Variants in EYS observed in about 807,000 individuals in gnomAD.
EYS encodes EGF-like photoreceptor maintenance factor.
In EYS, 250 loss-of-function variants were observed where a neutral mutation model predicts 282.1. The ratio of observed to expected loss-of-function variants is 0.89; its 90% CI spans 0.80 to 0.98. EYS has a LOEUF of 0.98. Ranked by LOEUF, EYS falls within the 50% of genes least tolerant of loss-of-function variation. The pLI is 0.00. For synonymous variants in EYS, 1,355 were observed against 1,282.9 expected (o/e 1.06, Z -1.20); for missense variants, 4,016 against 3,709.0 (o/e 1.08, Z -2.15).
intron 19 of EYS, among the ~76,000 whole-genome samples, chr6:64,853,001 C>T (rs571516670): frequency 1.3e-5 from 2 of 152,098 alleles, no homozygotes; most frequent in African/African-American, 4.8e-5. Flanking sequence ...ATAAGGCAGA[C>T]CTACAGTGAT....
At position 64,101,925 on chromosome 6, in the gene EYS, T is replaced by G. The variant is rs181670537; in HGVS notation, c.6425-19923A>C. Among the ~76,000 whole-genome samples, 326 of 151,922 alleles carry G rather than the reference T, an allele frequency of 2.1e-3. 3 individuals are homozygous for G. Among genetic ancestry groups the G allele is most frequent in the Non-Finnish European group, 3.4e-3 (229 of 67,962 alleles). On this transcript the variant is annotated intron_variant, in intron 31 of 42. Transcript: ENST00000503581. ...GAGTGTGCAACCTAGATCCTTCATATGTGCAGTTCCCAATTGGGTTTGTGC... is the reference window on the plus strand; with the variant it reads ...GAGTGTGCAACCTAGATCCTTCATAGGTGCAGTTCCCAATTGGGTTTGTGC...
intron 30 of EYS, among the ~76,000 whole-genome samples, chr6:64,284,275 G>A (rs1041394675): frequency 1.3e-5 from 2 of 152,152 alleles, no homozygotes; most frequent in African/African-American, 4.8e-5. Flanking sequence ...TAAAACAAAT[G>A]GGTTACAGGG....
At chr6:64,919,037 T>C (rs975513595) in intron 15 of EYS, among the ~76,000 whole-genome samples, 2 of 152,226 alleles carry the variant, frequency 1.3e-5, no homozygotes, top group African/African-American at 2.4e-5. Context: ...CAGTATTTTA[T>C]AGAATCTTAG....
intron 41 of EYS, among the ~76,000 whole-genome samples, chr6:63,731,544 G>A (rs1768780995): frequency 6.6e-6 from 1 of 151,856 alleles, no homozygotes; most frequent in South Asian, 2.1e-4. Context: ...CAATTTACTT[G>A]TTTTGTCTTA....
intron 31 of EYS, among the ~76,000 whole-genome samples, chr6:64,219,966 G>A (rs1333286075): frequency 2.0e-5 from 3 of 152,130 alleles, no homozygotes; most frequent in Non-Finnish European, 4.4e-5. Context: ...TCACTCATGG[G>A]TGGGAATTGA....
chr6:65,526,699 A>G (rs750963265), intron 2 of EYS, among the ~76,000 whole-genome samples: 29 of 152,278 alleles, frequency 1.9e-4, no homozygotes, highest in Non-Finnish European at 4.0e-4. Flanking sequence ...CCAGCTACTC[A>G]GAAGGCTGAG....
At chr6:64,399,036 A>G (rs1293995468) in intron 28 of EYS, among the ~76,000 whole-genome samples, 1 of 151,876 alleles carries the variant, frequency 6.6e-6, no homozygotes, top group Non-Finnish European at 1.5e-5. Context: ...TGCTTTAATA[A>G]TTCTCTAAAA....
chr6:63,869,996 C>G (rs1772762159), intron 35 of EYS, among the ~76,000 whole-genome samples: 1 of 152,114 alleles, frequency 6.6e-6, no homozygotes, highest in African/African-American at 2.4e-5. Flanking sequence ...TCACTCTGTG[C>G]TCACTGTAAA....
chr6:64,725,543 G>T (rs1476113667), intron 22 of EYS, among the ~76,000 whole-genome samples: 2 of 152,016 alleles, frequency 1.3e-5, no homozygotes, highest in Admixed American at 6.6e-5. Flanking sequence ...ATATTCATAT[G>T]CCCTAGCCCT....
At position 64,886,701 on chromosome 6, in the gene EYS, A is replaced by G. The variant is rs1413232600; in HGVS notation, c.2988T>C (p.Tyr996=). The G allele has an allele frequency of 2.6e-6, 4 of 1,544,528 alleles. No individual in the cohort carries two copies. The highest frequency in any genetic ancestry group is 2.4e-5 in the South Asian group (2 of 83,044). ...ATGGGACAGATATGGATTTACCTGT[A>G]TAACCAGGGGCACAGAGGCAGTTGT... ...DGYNCLCAPG[Y]TGINCEINLD... The change falls in exon 19 of 43, where the codon TAT becomes TAC. Residue 996 remains tyrosine (Y), a synonymous_variant. Transcript: ENST00000503581.
intron 12 of EYS, among the ~76,000 whole-genome samples, chr6:65,216,898 C>T (rs1422541078): frequency 6.6e-6 from 1 of 151,682 alleles, no homozygotes; most frequent in Non-Finnish European, 1.5e-5. Flanking sequence ...TATCTAATTC[C>T]ATTAACATGC....
intron 12 of EYS, among the ~76,000 whole-genome samples, chr6:65,073,984 A>G (rs1015523764): frequency 6.6e-6 from 1 of 152,028 alleles, no homozygotes; most frequent in Non-Finnish European, 1.5e-5. Context: ...GTACGTTGCC[A>G]CTGGGCACAT....
chr6:64,957,103 C>A (rs1769735350), intron 14 of EYS, among the ~76,000 whole-genome samples: 1 of 152,108 alleles, frequency 6.6e-6, no homozygotes, highest in Non-Finnish European at 1.5e-5. Flanking sequence ...ATCAGTATAT[C>A]AAAGAGATAT....
chr6:64,448,629 ACACAGCCGGG>A (rs1775206549), intron 26 of EYS, among the ~76,000 whole-genome samples: 1 of 152,170 alleles, frequency 6.6e-6, no homozygotes, highest in African/African-American at 2.4e-5. Flanking sequence ...CTGACATCTC[ACACAGCCGGG>A]TACTCCTCTG....
chr6:64,598,862 A>T (rs1766670890), intron 24 of EYS, among the ~76,000 whole-genome samples: 1 of 152,254 alleles, frequency 6.6e-6, no homozygotes, highest in African/African-American at 2.4e-5. Context: ...AAGGAAAAAC[A>T]GCAAGGGCTG....
At chr6:65,614,273 T>G (rs559932259) in intron 2 of EYS, among the ~76,000 whole-genome samples, 2 of 152,120 alleles carry the variant, frequency 1.3e-5, no homozygotes, top group Admixed American at 1.3e-4. Flanking sequence ...AAATTACTCT[T>G]GCTACACTGT....
intron 1 of EYS, among the ~76,000 whole-genome samples, chr6:65,679,592 G>A (rs1298039799): frequency 6.6e-6 from 1 of 151,836 alleles, no homozygotes; most frequent in African/African-American, 2.4e-5. Context: ...AGTCATACAA[G>A]ATGAAAATGT....
chr6:63,789,014 T>C, intron 38 of EYS, 44 bp downstream of exon 38: 1 of 1,534,710 alleles, frequency 6.5e-7, no homozygotes, highest in Non-Finnish European at 8.8e-7. Flanking sequence ...GACAATATAC[T>C]AGTGCTCTCA....
At position 64,639,765 on chromosome 6, in the gene EYS, A is replaced by C. The variant is rs1277682670; in HGVS notation, c.3444-13520T>G. Among the ~76,000 whole-genome samples, 2 of 91,526 alleles carry C rather than the reference A, an allele frequency of 2.2e-5. 1 individual carries two copies. The highest frequency in any genetic ancestry group is 2.3e-4 in the Admixed American group (2 of 8,600). 60.0% of individuals were successfully genotyped at this position (91,526 alleles called of 152,430 possible). On this transcript the variant is annotated intron_variant, in intron 22 of 42. Coordinates refer to ENST00000503581, the MANE Select transcript of EYS (RefSeq NM_001142800.2). ...CTGCACAGGAAAGGAAACTACCATC[A>C]GAGTGAACAGGCAACCTACAGAATG... is the stretch of plus-strand genomic sequence containing the variant.
Sources: allele counts gnomAD v4.1 joint callset (sites outside exome capture counted in the v4.1 genomes callset), GRCh38; gene constraint gnomAD v4.1.1; transcripts MANE v1.5; gene names NCBI Gene and HGNC (gene_info 2026-07-23, HGNC 2026-07-21).